DNAH7: variants seen among roughly 807,000 people sequenced by gnomAD.
The protein encoded by DNAH7 is axonemal beta dynein heavy chain 7.
DNAH7 carries 397 observed loss-of-function variants against 444.6 expected under a neutral mutation model. That is an observed-to-expected ratio of 0.89 (90% CI 0.82 to 0.97). The LOEUF is 0.97. Ranked by LOEUF, DNAH7 falls within the 50% of genes least tolerant of loss-of-function variation. The pLI is 0.00. For synonymous variants in DNAH7, 1,636 were observed against 1,624.4 expected, an observed-to-expected ratio of 1.01 and a Z score of -0.17; for missense variants, 4,902 against 4,800.8, an observed-to-expected ratio of 1.02 and a Z score of -0.62.
At chr2:195,854,568 T>A (rs971108737) in intron 45 of DNAH7, among the ~76,000 whole-genome samples, 10 of 152,194 alleles carry the variant, frequency 6.6e-5, no homozygotes, top group African/African-American at 2.4e-4. Context: ...ATCTTTTGTC[T>A]TTCTAGTTTC....
intron 17 of DNAH7, among the ~76,000 whole-genome samples, chr2:195,967,976 C>A (rs1375832096): frequency 6.6e-6 from 1 of 152,220 alleles, no homozygotes; most frequent in Non-Finnish European, 1.5e-5. Flanking sequence ...GTGGAAGAGC[C>A]TCTCCTGCTG....
chr2:195,822,229 G>T (rs1697507825), intron 49 of DNAH7, among the ~76,000 whole-genome samples: 1 of 152,136 alleles, frequency 6.6e-6, no homozygotes, highest in Non-Finnish European at 1.5e-5. Flanking sequence ...CAAGTCCACA[G>T]GCTACATTTG....
At chr2:196,015,760 C>G (rs1320334906) in intron 9 of DNAH7, among the ~76,000 whole-genome samples, 1 of 152,180 alleles carries the variant, frequency 6.6e-6, no homozygotes, top group East Asian at 1.9e-4. Context: ...CGTATATTTT[C>G]AAGGTCTGCT....
At chr2:195,921,779 G>C (rs977494585) in intron 24 of DNAH7, among the ~76,000 whole-genome samples, 1 of 152,138 alleles carries the variant, frequency 6.6e-6, no homozygotes, top group African/African-American at 2.4e-5. Context: ...AAAATTCAGT[G>C]TTTCAAGGGA....
At chr2:195,948,249 T>C (rs893715386) in intron 19 of DNAH7, among the ~76,000 whole-genome samples, 2 of 152,186 alleles carry the variant, frequency 1.3e-5, no homozygotes, top group Non-Finnish European at 2.9e-5. Flanking sequence ...ACTGCCTGTT[T>C]ACTCTGATGA....
intron 54 of DNAH7, among the ~76,000 whole-genome samples, chr2:195,801,412 T>C (rs549876328): frequency 2.6e-5 from 4 of 152,182 alleles, no homozygotes; most frequent in African/African-American, 9.6e-5. Flanking sequence ...TACCTTACAG[T>C]TTAAAATTAA....
Position 195,799,412 on chromosome 2 carries a change from G to T in DNAH7, c.10237C>A (p.Pro3413Thr). 1 of 1,610,476 alleles carries T rather than the reference G, an allele frequency of 6.2e-7. No homozygotes were observed. Among genetic ancestry groups the T allele is most frequent in the Non-Finnish European group, 8.5e-7 (1 of 1,178,398 alleles). ...NRLGRAFIEP[P>T]PFDLAKAFGD... ...AATGCCTTGGCTAAATCAAAGGGGGGTGGTTCAATGAATGCACGTCCCAAT... is the reference window on the plus strand; with the variant it reads ...AATGCCTTGGCTAAATCAAAGGGGGTTGGTTCAATGAATGCACGTCCCAAT... Residue 3413 changes from proline to threonine, a missense_variant, in exon 55 of 65, where the codon CCC (proline) becomes ACC (threonine). Transcript: ENST00000312428.
intron 44 of DNAH7, among the ~76,000 whole-genome samples, chr2:195,856,699 CAAG>C (rs1475244474): frequency 2.6e-5 from 4 of 152,164 alleles, no homozygotes; most frequent in African/African-American, 9.6e-5. Flanking sequence ...CCTTATTTCA[CAAG>C]AATACATTAT....
chr2:195,792,902 G>A (rs998297351), intron 57 of DNAH7, among the ~76,000 whole-genome samples: 1 of 151,924 alleles, frequency 6.6e-6, no homozygotes, highest in East Asian at 1.9e-4. Context: ...GTAAAAAGGT[G>A]TAGGGATGTT....
At chr2:195,769,062 CAA>C (rs1694722871) in intron 61 of DNAH7, among the ~76,000 whole-genome samples, 1 of 151,996 alleles carries the variant, frequency 6.6e-6, no homozygotes, top group Admixed American at 6.6e-5. Flanking sequence ...GATATCATGT[CAA>C]GTTAGGTTTT....
At chr2:195,772,013 A>G (rs1694864196) in intron 60 of DNAH7, 123 bp from the exon 61 acceptor site, 1 of 788,258 alleles carries the variant, frequency 1.3e-6, no homozygotes, top group Non-Finnish European at 2.1e-6. Flanking sequence ...TCCATGATCC[A>G]TCTCCACACA....
At chr2:195,863,945 GAAGT>G (rs1396450626) in intron 41 of DNAH7, among the ~76,000 whole-genome samples, 200 bp downstream of exon 41, 1 of 152,184 alleles carries the variant, frequency 6.6e-6, no homozygotes, top group East Asian at 1.9e-4. Context: ...ATAATATATT[GAAGT>G]TAGTGATCAC....
In DNAH7 at chr2:195,858,699, A is replaced by G. The variant is rs753857133; in HGVS notation, c.7842T>C (p.Pro2614=). ...TMQMELEALH[P]QLKVASKEVD... ...CCTCTTTGCTAGCAACTTTTAATTG[A>G]GGATGTAGTGCCTCCAACTCCATCT... The change falls in exon 43 of 65, where the codon CCT becomes CCC. Residue 2614 remains proline (P), a synonymous_variant. Transcript: ENST00000312428. 6 of 1,613,928 alleles carry G rather than the reference A, an allele frequency of 3.7e-6. No homozygotes were observed. The African/African-American group carries it at 6.7e-5, about 18-fold the overall frequency.
chr2:196,044,203 A>ATATGTG (rs1553611806), intron 5 of DNAH7, among the ~76,000 whole-genome samples: 7,177 of 146,942 alleles, frequency 0.049, 278 homozygotes, highest in African/African-American at 0.11. Context: ...ATATATATAT[A>ATATGTG]TGTGTGTGTG....
intron 2 of DNAH7, among the ~76,000 whole-genome samples, chr2:196,052,901 A>C (rs1445239249): frequency 6.6e-6 from 1 of 152,176 alleles, no homozygotes; most frequent in Non-Finnish European, 1.5e-5. Context: ...TCCATTCCCT[A>C]ACTCAACAAT....
chr2:195,742,520 A>T (rs1693107139), intron 63 of DNAH7, among the ~76,000 whole-genome samples: 1 of 152,236 alleles, frequency 6.6e-6, no homozygotes, highest in Admixed American at 6.5e-5. Context: ...TCAATTGTAT[A>T]GGAGATATAA....
At chr2:195,837,524 T>A (rs1406134863) in intron 47 of DNAH7, among the ~76,000 whole-genome samples, 2 of 152,212 alleles carry the variant, frequency 1.3e-5, no homozygotes, top group Non-Finnish European at 2.9e-5. Flanking sequence ...TTCTTCTTTC[T>A]TTCTATTTTC....
At chr2:195,921,614 A>T (rs560526510) in intron 24 of DNAH7, among the ~76,000 whole-genome samples, 3 of 152,304 alleles carry the variant, frequency 2.0e-5, no homozygotes, top group African/African-American at 7.2e-5. Context: ...GAGTGGGTGC[A>T]GGATAAAAGA....
chr2:195,769,623 CCA>C lies in DNAH7; in HGVS notation c.11433+2035_11433+2036del, dbSNP rs1252200778. Among the ~76,000 whole-genome samples the C allele has an allele frequency of 1.1e-4, 16 of 151,930 alleles. No homozygotes were observed. The South Asian group carries it at 3.3e-3, about 32-fold the overall frequency. ...GTCTAGGGGGTAAAGGTGTTAGGAC[CCA>C]CTATCTCCTCTCACGGCTGCCTGGA... On this transcript the variant is annotated intron_variant, in intron 61 of 64. Transcript: ENST00000312428.
Sources: gnomAD v4.1 joint callset for allele counts (sites outside exome capture counted in the v4.1 genomes callset) on GRCh38, gnomAD v4.1.1 for gene constraint, MANE v1.5 for transcripts, NCBI Gene and HGNC (gene_info 2026-07-23, HGNC 2026-07-21) for gene names.